Variants in RALGPS1 observed in about 807,000 individuals in gnomAD.
RALGPS1 encodes ras-specific guanine nucleotide-releasing factor RalGPS1.
Under a neutral mutation model 78.8 loss-of-function variants are expected in RALGPS1, and 19 were observed. The ratio of observed to expected loss-of-function variants is 0.24; its 90% CI spans 0.17 to 0.35. The LOEUF (loss-of-function observed/expected upper bound fraction) is 0.35. Ranked by LOEUF, RALGPS1 falls within the 10% of genes least tolerant of loss-of-function variation. The pLI, the probability that RALGPS1 is intolerant of heterozygous loss-of-function variation, is 1.00. For missense variants in RALGPS1, 454 were observed against 688.3 expected (o/e 0.66, Z 3.81); for synonymous variants, 228 against 256.3 (o/e 0.89, Z 1.06).
Position 127,117,339 on chromosome 9 carries a change from C to T in RALGPS1, c.610+47983C>T, listed in dbSNP as rs534936606. Among the ~76,000 whole-genome samples, 24 of 152,366 alleles carry T rather than the reference C, an allele frequency of 1.6e-4. No homozygotes were observed. The South Asian group carries it at 4.6e-3, about 29-fold the overall frequency. The stretch of plus-strand genomic sequence containing the variant: ...AAAAGCAGGGCCAGGGCAGATTCCT[C>T]CTCTGACTACTGAGTATCCAGGATG... On this transcript the variant is annotated intron_variant, in intron 8 of 18. Coordinates refer to ENST00000259351, the MANE Select transcript of RALGPS1 (RefSeq NM_014636.3).
In RALGPS1 at chr9:126,965,833, G is replaced by A. The variant is rs760661725; in HGVS notation, c.58-11G>A. On this transcript the variant is annotated splice_polypyrimidine_tract_variant and intron_variant, in intron 2 of 18. Transcript: ENST00000259351. ...CATTCAGTTGGCACCATCTTTCCCT[G>A]CTCTCCACAGGGCAGCAGCAGCTCG... 1 of 1,609,820 alleles carries A rather than the reference G, an allele frequency of 6.2e-7. No homozygotes were observed. The highest frequency in any genetic ancestry group is 8.5e-7 in the Non-Finnish European group (1 of 1,176,798).
intron 4 of RALGPS1, among the ~76,000 whole-genome samples, chr9:127,017,118 G>A (rs1280378084): frequency 6.6e-6 from 1 of 152,092 alleles, no homozygotes; most frequent in Admixed American, 6.6e-5. Flanking sequence ...ATAATATCTT[G>A]GATATACAGT....
chr9:127,150,230 C>A (rs963611715), intron 8 of RALGPS1, among the ~76,000 whole-genome samples: 10 of 152,204 alleles, frequency 6.6e-5, no homozygotes, highest in Non-Finnish European at 1.5e-4. Flanking sequence ...ATTCTCCCAC[C>A]CCATGCTCTG....
At chr9:127,148,319 C>G (rs2058221401) in intron 8 of RALGPS1, among the ~76,000 whole-genome samples, 1 of 152,198 alleles carries the variant, frequency 6.6e-6, no homozygotes, top group African/African-American at 2.4e-5. Flanking sequence ...GGATGTGGGG[C>G]TCCCATGGAA....
At chr9:127,055,303 C>T (rs1320790976) in intron 7 of RALGPS1, among the ~76,000 whole-genome samples, 1 of 152,232 alleles carries the variant, frequency 6.6e-6, no homozygotes, top group African/African-American at 2.4e-5. Context: ...ACTGTAGCCT[C>T]AGCCTCTTGG....
chr9:127,073,928 C>G (rs1291083617), intron 8 of RALGPS1, among the ~76,000 whole-genome samples: 3 of 152,162 alleles, frequency 2.0e-5, no homozygotes, highest in Non-Finnish European at 4.4e-5. Context: ...GTTGCCCAGG[C>G]TGGAGTGCAG....
At chr9:127,083,764 T>C (rs988948791) in intron 8 of RALGPS1, among the ~76,000 whole-genome samples, 7 of 152,236 alleles carry the variant, frequency 4.6e-5, no homozygotes, top group African/African-American at 1.4e-4. Flanking sequence ...CCTTTGGTCT[T>C]TGAGGTGCTA....
intron 10 of RALGPS1, among the ~76,000 whole-genome samples, chr9:127,172,796 C>T (rs899842785): frequency 6.6e-5 from 10 of 151,772 alleles, no homozygotes; most frequent in African/African-American, 9.7e-5. Flanking sequence ...TAAGTTGTTC[C>T]ACTGCTCTAA....
chr9:127,042,809 A>C (rs1186476446), intron 5 of RALGPS1, among the ~76,000 whole-genome samples: 1 of 152,238 alleles, frequency 6.6e-6, no homozygotes, highest in Non-Finnish European at 1.5e-5. Context: ...GGAACTAAGA[A>C]GTGAGTAAGC....
At chr9:127,210,012 CAG>C (rs1168128547) in intron 14 of RALGPS1, among the ~76,000 whole-genome samples, 4 of 152,220 alleles carry the variant, frequency 2.6e-5, no homozygotes, top group Non-Finnish European at 5.9e-5. Context: ...TCTTCTAAGA[CAG>C]AGAGGCTAAA....
chr9:126,944,594 G>A (rs1792814068), intron 1 of RALGPS1, among the ~76,000 whole-genome samples: 1 of 150,692 alleles, frequency 6.6e-6, no homozygotes, highest in Admixed American at 6.6e-5. Flanking sequence ...TGGGGAGGGA[G>A]GGTGGGATAG....
intron 4 of RALGPS1, among the ~76,000 whole-genome samples, chr9:126,996,648 T>C (rs1037866013): frequency 4.1e-4 from 62 of 152,062 alleles, no homozygotes; most frequent in Non-Finnish European, 5.6e-4. Context: ...TTCCAATCAA[T>C]AGAAAAAGAG....
intron 14 of RALGPS1, among the ~76,000 whole-genome samples, chr9:127,202,891 T>TGGGGAGGCGGCCGC (rs2061716042): frequency 6.6e-6 from 1 of 150,634 alleles, no homozygotes; most frequent in Non-Finnish European, 1.5e-5. Flanking sequence ...CCCAGGGAGG[T>TGGGGAGGCGGCCGC]GGGGAGGCGG....
chr9:127,083,488 G>A (rs1244425678), intron 8 of RALGPS1, among the ~76,000 whole-genome samples: 1 of 152,236 alleles, frequency 6.6e-6, no homozygotes, highest in Non-Finnish European at 1.5e-5. Flanking sequence ...GAAAAGGAAA[G>A]AGCAAGGGAG....
chr9:127,168,582 T>C (rs1238764335), intron 9 of RALGPS1, 97 bp from the exon 10 acceptor site: 8 of 867,036 alleles, frequency 9.2e-6, no homozygotes, highest in Non-Finnish European at 1.2e-5. Flanking sequence ...AGTCTCAGTA[T>C]CCTGGGAGCA....
intron 8 of RALGPS1, among the ~76,000 whole-genome samples, chr9:127,157,678 T>C (rs2058780012): frequency 6.6e-6 from 1 of 152,142 alleles, no homozygotes; most frequent in South Asian, 2.1e-4. Context: ...CATTGATTTA[T>C]GTATATTTAT....
At chr9:127,193,205 C>T (rs1386442083) in intron 11 of RALGPS1, among the ~76,000 whole-genome samples, 1 of 152,102 alleles carries the variant, frequency 6.6e-6, no homozygotes, top group East Asian at 1.9e-4. Context: ...GTGGGAAGGC[C>T]AGTGTGAATG....
intron 4 of RALGPS1, among the ~76,000 whole-genome samples, chr9:127,005,478 A>G (rs2043750140): frequency 6.6e-6 from 1 of 152,204 alleles, no homozygotes; most frequent in South Asian, 2.1e-4. Context: ...GTCAGCGTGC[A>G]TTGATGTCAA....
intron 8 of RALGPS1, among the ~76,000 whole-genome samples, chr9:127,077,147 A>G (rs2050751382): frequency 6.6e-6 from 1 of 152,182 alleles, no homozygotes; most frequent in African/African-American, 2.4e-5. Flanking sequence ...AAGCAAGGGC[A>G]TGCTGGGTTG....
Sources: allele counts gnomAD v4.1 joint callset (sites outside exome capture counted in the v4.1 genomes callset), GRCh38; gene constraint gnomAD v4.1.1; transcripts MANE v1.5; gene names NCBI Gene and HGNC (gene_info 2026-07-23, HGNC 2026-07-21).